Variants in CACHD1 observed in about 807,000 individuals in gnomAD.
CACHD1 encodes the protein VWFA and cache domain-containing protein 1.
CACHD1 carries 71 observed loss-of-function variants against 138.7 expected under a neutral mutation model. That is an observed-to-expected ratio of 0.51 (90% CI 0.42 to 0.62). The LOEUF is 0.62. Among genes scored for constraint, CACHD1 ranks in the 20% least tolerant of loss-of-function variants. CACHD1 has a pLI of 0.00. For synonymous variants in CACHD1, 578 were observed against 591.5 expected, an observed-to-expected ratio of 0.98 and a Z score of 0.33; for missense variants, 1,389 against 1,625.3, an observed-to-expected ratio of 0.85 and a Z score of 2.50.
intron 1 of CACHD1, among the ~76,000 whole-genome samples, chr1:64,492,662 A>C (rs545619731): frequency 6.6e-6 from 1 of 152,188 alleles, no homozygotes; most frequent in African/African-American, 2.4e-5. Context: ...CGTTAGAGTT[A>C]ACGTCAGTGT....
chr1:64,531,695 C>T (rs1335811192), intron 1 of CACHD1, among the ~76,000 whole-genome samples: 1 of 151,706 alleles, frequency 6.6e-6, no homozygotes, highest in Non-Finnish European at 1.5e-5. Context: ...TATTAACTTG[C>T]ACATTACCCC....
At chr1:64,654,653 G>C in intron 11 of CACHD1, 33 bp from the exon 12 acceptor site, 1 of 1,504,312 alleles carries the variant, frequency 6.6e-7, no homozygotes, top group Non-Finnish European at 9.2e-7. Flanking sequence ...TTTATCTTTT[G>C]CCTGAAATAT....
At chr1:64,515,595 A>G (rs1044732354) in intron 1 of CACHD1, among the ~76,000 whole-genome samples, 9 of 152,178 alleles carry the variant, frequency 5.9e-5, no homozygotes, top group Admixed American at 3.3e-4. Flanking sequence ...GAGAAATGCT[A>G]TTATGCAACA....
chr1:64,525,809 G>A (rs1646534111), intron 1 of CACHD1, among the ~76,000 whole-genome samples: 1 of 152,192 alleles, frequency 6.6e-6, no homozygotes, highest in South Asian at 2.1e-4. Flanking sequence ...TGCTCTCCCA[G>A]AAAACTGTAG....
chr1:64,517,375 A>T (rs962780214), intron 1 of CACHD1, among the ~76,000 whole-genome samples: 5 of 152,210 alleles, frequency 3.3e-5, no homozygotes, highest in Non-Finnish European at 7.3e-5. Context: ...AAATGATATC[A>T]TATGTTGGAG....
At chr1:64,511,634 T>A (rs1646421539) in intron 1 of CACHD1, among the ~76,000 whole-genome samples, 1 of 152,194 alleles carries the variant, frequency 6.6e-6, no homozygotes, top group African/African-American at 2.4e-5. Flanking sequence ...ATGGGGAGTG[T>A]CTTACTGCAG....
chr1:64,471,712 AG>A (rs1467076640), intron 1 of CACHD1, among the ~76,000 whole-genome samples: 2 of 152,192 alleles, frequency 1.3e-5, no homozygotes, highest in African/African-American at 4.8e-5. Flanking sequence ...TTTGGGTCGA[AG>A]AAAAAGGGAG....
intron 2 of CACHD1, among the ~76,000 whole-genome samples, chr1:64,559,704 C>T (rs1205149421): frequency 6.6e-6 from 1 of 152,128 alleles, no homozygotes; most frequent in East Asian, 1.9e-4. Context: ...GTATTCCTTC[C>T]TCCTTTACTT....
Position 64,480,240 on chromosome 1 carries a change from C to T in CACHD1, c.198+9298C>T, listed in dbSNP as rs573059402. Among the ~76,000 whole-genome samples the T allele has an allele frequency of 1.4e-4, 21 of 152,312 alleles. No individual in the cohort carries two copies. In the East Asian group the frequency reaches 1.5e-3, roughly 11 times the overall value. On this transcript the variant is annotated intron_variant, in intron 1 of 26. Transcript: ENST00000651257. ...GCTTGTTTTACAAATGTTCATTTTA[C>T]AGAAACTGAGGCCCAGCGAGGAAGT...
At chr1:64,636,086 G>A (rs950408877) in intron 7 of CACHD1, among the ~76,000 whole-genome samples, 3 of 150,346 alleles carry the variant, frequency 2.0e-5, no homozygotes, top group African/African-American at 7.3e-5. Flanking sequence ...ACTCCAGCCT[G>A]GTGACGGAGC....
intron 4 of CACHD1, among the ~76,000 whole-genome samples, chr1:64,621,946 A>G (rs1647928125): frequency 6.6e-6 from 1 of 152,204 alleles, no homozygotes; most frequent in Non-Finnish European, 1.5e-5. Flanking sequence ...TATTGAGTAA[A>G]TTTAAGGTCA....
At chr1:64,508,012 A>G (rs879403110) in intron 1 of CACHD1, among the ~76,000 whole-genome samples, 4 of 152,244 alleles carry the variant, frequency 2.6e-5, no homozygotes, top group Non-Finnish European at 5.9e-5. Context: ...CTGTACAGAA[A>G]ACGTGGCTGA....
chr1:64,513,832 G>A (rs1646439731), intron 1 of CACHD1, among the ~76,000 whole-genome samples: 1 of 152,170 alleles, frequency 6.6e-6, no homozygotes, highest in Admixed American at 6.5e-5. Flanking sequence ...TGCCAGATCT[G>A]CTAGTTTTTC....
At chr1:64,636,556 A>G (rs1383368513) in intron 7 of CACHD1, among the ~76,000 whole-genome samples, 2 of 152,236 alleles carry the variant, frequency 1.3e-5, no homozygotes. Flanking sequence ...CTAAGGTTCA[A>G]CAAACATGAG....
In CACHD1 at chr1:64,597,535, T is replaced by G. The variant is rs1389152316; in HGVS notation, c.411-5271T>G. Among the ~76,000 whole-genome samples, 396 of 148,014 alleles carry G rather than the reference T, an allele frequency of 2.7e-3. 4 individuals carry two copies. Among genetic ancestry groups the G allele is most frequent in the East Asian group, 9.3e-3 (47 of 5,080 alleles). ...GTTTTTTTTTTGTTGTTTTTTTTTTTTTTTTTTTTTTTTTTAACTTACAGG... is the reference window on the plus strand; with the variant it reads ...GTTTTTTTTTTGTTGTTTTTTTTTTGTTTTTTTTTTTTTTTAACTTACAGG... On this transcript the variant is annotated intron_variant, in intron 3 of 26. Transcript: ENST00000651257.
intron 22 of CACHD1, 29 bp downstream of exon 22, chr1:64,677,040 T>C (rs1390425172): frequency 8.0e-6 from 12 of 1,504,762 alleles, no homozygotes; most frequent in Non-Finnish European, 1.1e-5. Flanking sequence ...AGAATTGAGG[T>C]TTTCCAGCTA....
chr1:64,526,919 A>G (rs994559498), intron 1 of CACHD1, among the ~76,000 whole-genome samples: 3 of 152,204 alleles, frequency 2.0e-5, no homozygotes, highest in African/African-American at 7.2e-5. Context: ...GGGAAAGGAA[A>G]ACCATGTGAG....
At chr1:64,498,853 A>C (rs992328878) in intron 1 of CACHD1, among the ~76,000 whole-genome samples, 1 of 152,242 alleles carries the variant, frequency 6.6e-6, no homozygotes, top group Non-Finnish European at 1.5e-5. Context: ...GACCAGAAAG[A>C]AAGTGCAATA....
intron 3 of CACHD1, 56 bp from the exon 4 acceptor site, chr1:64,602,750 G>A (rs776598960): frequency 2.8e-6 from 3 of 1,083,970 alleles, no homozygotes; most frequent in African/African-American, 1.5e-5. Context: ...CATTATTTTT[G>A]TTGGTTGGTT....
Sources: gnomAD v4.1 joint callset for allele counts (sites outside exome capture counted in the v4.1 genomes callset) on GRCh38, gnomAD v4.1.1 for gene constraint, MANE v1.5 for transcripts, NCBI Gene and HGNC (gene_info 2026-07-23, HGNC 2026-07-21) for gene names.